Variants in SLC5A7 observed in about 807,000 individuals in gnomAD.
SLC5A7 encodes the protein high affinity choline transporter 1.
SLC5A7 carries 19 observed loss-of-function variants against 55.4 expected under a neutral mutation model. The ratio of observed to expected loss-of-function variants is 0.34; its 90% CI spans 0.24 to 0.50. The LOEUF (loss-of-function observed/expected upper bound fraction) is 0.50, where lower values mean the gene tolerates loss of function less well. SLC5A7 is among the 20% of genes least tolerant of loss of function. The probability of loss-of-function intolerance (pLI) is 0.98; values close to 1 mark genes in which losing one functional copy is unlikely to be tolerated. For missense variants in SLC5A7, 506 were observed against 705.3 expected (o/e 0.72, Z 3.20); for synonymous variants, 265 against 263.7 (o/e 1.00, Z -0.05).
Position 108,010,906 on chromosome 2 carries a change from T to C in SLC5A7, c.*45T>C, listed in dbSNP as rs1461652172. 2 of 1,510,124 alleles carry C rather than the reference T, an allele frequency of 1.3e-6. No homozygotes were observed. Among genetic ancestry groups the C allele is most frequent in the South Asian group, 2.7e-5 (2 of 75,300 alleles). 93.5% of individuals were successfully genotyped at this position (1,510,124 alleles called of 1,614,324 possible). On this transcript the variant is annotated 3_prime_UTR_variant, in exon 9 of 9. Coordinates refer to ENST00000264047, the MANE Select transcript of SLC5A7 (RefSeq NM_021815.5). ...TGCTTTTGCAAACAGAACACTGTAA[T>C]AGGGTAGTTCTGGAGAGATGGTATG...
At chr2:108,000,925 CTTTTTTT>C (rs1170263457) in intron 5 of SLC5A7, among the ~76,000 whole-genome samples, 2 of 112,502 alleles carry the variant, frequency 1.8e-5, no homozygotes, top group South Asian at 3.0e-4. Flanking sequence ...TAATACAATT[CTTTTTTT>C]TTTTTTTTTT....
chr2:108,013,820 T>C lies in SLC5A7; in HGVS notation c.*2959T>C, dbSNP rs1053616966. ...GCAAGCTTGTAGCTGGACTGCAATA[T>C]CAACAACAAGTTGTTTCAAACAGCA... is the stretch of plus-strand genomic sequence containing the variant. On this transcript the variant is annotated 3_prime_UTR_variant, in exon 9 of 9. Transcript: ENST00000264047. 1 of 152,164 alleles carries C rather than the reference T, an allele frequency of 6.6e-6. No homozygotes were observed. Among genetic ancestry groups the C allele is most frequent in the South Asian group, 2.1e-4 (1 of 4,838 alleles). The allele number at this position is 152,164 out of a possible 1,614,324, so 9.4% of individuals were successfully genotyped here. A position where few individuals can be genotyped will look rare whatever the true frequency, so the allele number is the denominator to read the frequency against.
At chr2:107,997,739 A>G in intron 4 of SLC5A7, 99 bp from the exon 5 acceptor site, 1 of 1,222,034 alleles carries the variant, frequency 8.2e-7, no homozygotes, top group Non-Finnish European at 1.1e-6. Context: ...TATGACAGAG[A>G]GAAAAATGTT....
chr2:107,992,072 C>G, intron 2 of SLC5A7, 34 bp from the exon 3 acceptor site: 1 of 1,408,044 alleles, frequency 7.1e-7, no homozygotes, highest in South Asian at 1.2e-5. Context: ...ACAGGTAAGA[C>G]AGTATCACTC....
At chr2:107,991,641 G>A (rs534633041) in intron 2 of SLC5A7, among the ~76,000 whole-genome samples, 3 of 152,144 alleles carry the variant, frequency 2.0e-5, no homozygotes, top group Non-Finnish European at 4.4e-5. Context: ...CACTCCGTGA[G>A]GACAGTATAA....
chr2:108,005,693 C>T lies in SLC5A7; in HGVS notation c.742-356C>T, dbSNP rs1015654086. Among the ~76,000 whole-genome samples, 11 of 152,092 alleles carry T rather than the reference C, an allele frequency of 7.2e-5. 1 individual carries two copies. Among genetic ancestry groups the T allele is most frequent in the African/African-American group, 1.7e-4 (7 of 41,426 alleles). ...GCAGATTCACTGCCTGGTGAGGATT[C>T]GCATCCTCATAGAAGGCACCTTCTT... On this transcript the variant is annotated intron_variant, in intron 6 of 8. Coordinates refer to ENST00000264047, the MANE Select transcript of SLC5A7 (RefSeq NM_021815.5).
intron 5 of SLC5A7, among the ~76,000 whole-genome samples, chr2:108,000,864 G>A (rs1677861579): frequency 6.6e-6 from 1 of 151,638 alleles, no homozygotes; most frequent in South Asian, 2.1e-4. Flanking sequence ...CAAAGTCCTG[G>A]GATTACAGGC....
rs999867869 is a variant in SLC5A7, at chr2:107,997,937, C to T, written c.548C>T (p.Ser183Phe). The T allele has an allele frequency of 6.2e-7, 1 of 1,613,866 alleles. No homozygotes were observed. Among genetic ancestry groups the T allele is most frequent in the Non-Finnish European group, 8.5e-7 (1 of 1,179,904 alleles). The change falls in exon 5 of 9, where the codon TCT becomes TTT. Residue 183 changes from serine to phenylalanine, a missense_variant. Physicochemically the swap from Ser to Phe is radical, Grantham distance 155. This residue lies in a region of SLC5A7 where 309 missense variants were observed against 478.6 expected (regional missense o/e 0.65). Coordinates refer to ENST00000264047, the MANE Select transcript of SLC5A7 (RefSeq NM_021815.5). ...TLYTLVGGLYSVAYTDVVQLF... is the reference protein window; with the variant it reads ...TLYTLVGGLYFVAYTDVVQLF... ...TACACACTGGTGGGAGGGCTCTATT[C>T]TGTGGCCTACACTGATGTCGTTCAG...
At chr2:108,008,783 C>T (rs576732340) in intron 8 of SLC5A7, 101 bp downstream of exon 8, 21 of 807,120 alleles carry the variant, frequency 2.6e-5, no homozygotes, top group Admixed American at 7.0e-5. Flanking sequence ...TATTAATATT[C>T]TATGTTAAAT....
intron 8 of SLC5A7, 61 bp downstream of exon 8, chr2:108,008,743 G>T (rs960714999): frequency 4.8e-5 from 60 of 1,262,874 alleles, no homozygotes; most frequent in Non-Finnish European, 6.6e-5. Flanking sequence ...TTCTGATGTT[G>T]TATTTGTTGT....
intron 4 of SLC5A7, among the ~76,000 whole-genome samples, chr2:107,997,425 A>G (rs182963532): frequency 1.9e-4 from 29 of 152,344 alleles, no homozygotes; most frequent in African/African-American, 6.5e-4. Flanking sequence ...AAGTTGCACA[A>G]CAGTGAAATC....
At chr2:108,005,791 T>C (rs1171972740) in intron 6 of SLC5A7, among the ~76,000 whole-genome samples, 1 of 152,192 alleles carries the variant, frequency 6.6e-6, no homozygotes, top group Non-Finnish European at 1.5e-5. Flanking sequence ...CCTCATGGGC[T>C]AATCATCTCC....
rs766612506 is a variant in SLC5A7, at chr2:108,008,443, G to T, written c.896-22G>T. The T allele has an allele frequency of 6.9e-6, 11 of 1,596,716 alleles. No individual in the cohort carries two copies. In the South Asian group the frequency reaches 1.1e-4, roughly 16 times the overall value. On this transcript the variant is annotated intron_variant, in intron 7 of 8. Transcript: ENST00000264047. ...CATTTGGTTCCTTGGTGGTTATAAT[G>T]GTTGTTGATTCTGTTCAACAGACTG...
intron 4 of SLC5A7, among the ~76,000 whole-genome samples, chr2:107,996,087 G>A (rs2104350387): frequency 6.6e-6 from 1 of 152,128 alleles, no homozygotes; most frequent in Non-Finnish European, 1.5e-5. Context: ...ATTTTAGTCA[G>A]CTAATCTTTA....
At chr2:108,005,335 G>A (rs1448574012) in intron 6 of SLC5A7, among the ~76,000 whole-genome samples, 1 of 151,994 alleles carries the variant, frequency 6.6e-6, no homozygotes, top group Non-Finnish European at 1.5e-5. Context: ...AATATTTTTG[G>A]GTTGCATTGA....
At chr2:107,993,498 G>A (rs573295692) in intron 4 of SLC5A7, among the ~76,000 whole-genome samples, 1 of 152,166 alleles carries the variant, frequency 6.6e-6, no homozygotes, top group African/African-American at 2.4e-5. Flanking sequence ...TGAACCAGGG[G>A]TTAGTGAGAA....
intron 4 of SLC5A7, among the ~76,000 whole-genome samples, chr2:107,996,615 T>A (rs1306999107): frequency 6.6e-6 from 1 of 152,170 alleles, no homozygotes; most frequent in Non-Finnish European, 1.5e-5. Context: ...ACTGTATAGT[T>A]TTGAGAACAA....
intron 6 of SLC5A7, among the ~76,000 whole-genome samples, chr2:108,002,779 G>T (rs1315298726): frequency 6.6e-6 from 1 of 151,970 alleles, no homozygotes; most frequent in Non-Finnish European, 1.5e-5. Context: ...CCCTTTGCCA[G>T]TCTGAGGTGG....
intron 4 of SLC5A7, among the ~76,000 whole-genome samples, chr2:107,996,051 A>G (rs540800789): frequency 1.3e-5 from 2 of 152,272 alleles, no homozygotes; most frequent in South Asian, 4.1e-4. Flanking sequence ...AAGTGACAGC[A>G]TCTACTAGGA....
Sources: gnomAD v4.1 joint callset for allele counts (sites outside exome capture counted in the v4.1 genomes callset) on GRCh38, gnomAD v4.1.1 for gene constraint, gnomAD v4.1.1 regional missense constraint, MANE v1.5 for transcripts, NCBI Gene and HGNC (gene_info 2026-07-23, HGNC 2026-07-21) for gene names.